The following GRK5 variants were observed in gnomAD, a reference collection of about 807,000 sequenced individuals.
The protein encoded by GRK5 is g protein-coupled receptor kinase GRK5.
A neutral mutation model predicts 78.4 loss-of-function variants in GRK5; 40 were observed. The ratio of observed to expected loss-of-function variants is 0.51; its 90% CI spans 0.40 to 0.66. The LOEUF is 0.66. Among genes scored for constraint, GRK5 ranks in the 30% least tolerant of loss-of-function variants. The pLI, the probability that GRK5 is intolerant of heterozygous loss-of-function variation, is 0.00. For missense variants in GRK5, 598 were observed against 759.9 expected (o/e 0.79, Z 2.50); for synonymous variants, 289 against 296.8 (o/e 0.97, Z 0.27).
At chr10:119,367,783 A>C (rs1182479885) in intron 2 of GRK5, among the ~76,000 whole-genome samples, 1 of 152,070 alleles carries the variant, frequency 6.6e-6, no homozygotes. Flanking sequence ...CTTGATGGGG[A>C]TCATGTTGGG....
chr10:119,391,651 G>A (rs61876090), intron 3 of GRK5, among the ~76,000 whole-genome samples: 1,731 of 152,272 alleles, frequency 0.011, 18 homozygotes, highest in South Asian at 0.016. Context: ...CGGGGACGGA[G>A]CCAGCAGAAA....
chr10:119,276,340 A>G (rs937492834), intron 1 of GRK5, among the ~76,000 whole-genome samples: 2 of 151,828 alleles, frequency 1.3e-5, no homozygotes, highest in Non-Finnish European at 2.9e-5. Flanking sequence ...TATGAATGAG[A>G]ACACGTGGTG....
intron 2 of GRK5, among the ~76,000 whole-genome samples, chr10:119,365,587 G>T (rs531558320): frequency 6.6e-6 from 1 of 152,320 alleles, no homozygotes; most frequent in East Asian, 1.9e-4. Flanking sequence ...TCCCCACGCT[G>T]TTCATAATGA....
At chr10:119,328,542 T>C (rs1286120660) in intron 2 of GRK5, among the ~76,000 whole-genome samples, 1 of 152,194 alleles carries the variant, frequency 6.6e-6, no homozygotes, top group East Asian at 1.9e-4. Context: ...CTGGGTCTGC[T>C]GGCTGCCAGA....
chr10:119,450,516 G>A lies in GRK5; in HGVS notation c.1405-2155G>A, dbSNP rs575495222. 3.9e-5 allele frequency among the ~76,000 whole-genome samples: 6 copies of A among 152,346 alleles called. No homozygotes were observed. The Middle Eastern group carries it at 0.01, about 259-fold the overall frequency. On this transcript the variant is annotated intron_variant, in intron 13 of 15. Coordinates refer to ENST00000392870, the MANE Select transcript of GRK5 (RefSeq NM_005308.3). ...TGGGAGAGTAGCGGGGCCTCCGTGC[G>A]TGCACCCAGGCATGGCTGGAGAAAA...
At chr10:119,284,339 C>CT (rs1056093203) in intron 1 of GRK5, among the ~76,000 whole-genome samples, 8 of 151,952 alleles carry the variant, frequency 5.3e-5, no homozygotes, top group African/African-American at 1.9e-4. Flanking sequence ...AAATCCTTTT[C>CT]TTTTTTGTAG....
At chr10:119,451,144 C>T (rs1269629523) in intron 13 of GRK5, among the ~76,000 whole-genome samples, 1 of 145,314 alleles carries the variant, frequency 6.9e-6, no homozygotes, top group African/African-American at 2.7e-5. Flanking sequence ...CATGCCAGCC[C>T]CCCACAGTCA....
chr10:119,357,999 C>G (rs1423448851), intron 2 of GRK5, among the ~76,000 whole-genome samples: 2 of 152,200 alleles, frequency 1.3e-5, no homozygotes, highest in African/African-American at 4.8e-5. Flanking sequence ...ATCAATCACA[C>G]CCAAAGGGGA....
At chr10:119,399,125 A>G (rs1340089136) in intron 4 of GRK5, among the ~76,000 whole-genome samples, 1 of 152,232 alleles carries the variant, frequency 6.6e-6, no homozygotes, top group Admixed American at 6.5e-5. Context: ...CCATCAGCTC[A>G]GACGGTTTTA....
At chr10:119,436,950 C>G (rs1206670872) in intron 9 of GRK5, 109 bp downstream of exon 9, 1 of 1,008,614 alleles carries the variant, frequency 9.9e-7, no homozygotes, top group Non-Finnish European at 1.4e-6. Context: ...CAGCCCTGGT[C>G]AGCACCAGGG....
chr10:119,413,930 C>A (rs1852394003), intron 4 of GRK5, among the ~76,000 whole-genome samples: 1 of 152,192 alleles, frequency 6.6e-6, no homozygotes, highest in African/African-American at 2.4e-5. Context: ...GTAGCTGACG[C>A]AGATCCCCTC....
intron 2 of GRK5, among the ~76,000 whole-genome samples, chr10:119,369,093 T>G (rs1055590071): frequency 6.6e-6 from 1 of 152,180 alleles, no homozygotes; most frequent in Non-Finnish European, 1.5e-5. Context: ...AATGGTGAAC[T>G]GGACCTTACA....
At chr10:119,254,988 G>C (rs1017582195) in intron 1 of GRK5, among the ~76,000 whole-genome samples, 1 of 144,372 alleles carries the variant, frequency 6.9e-6, no homozygotes, top group South Asian at 2.2e-4. Flanking sequence ...CCAGGAAGCC[G>C]AGATTGCGCC....
At chr10:119,314,985 C>G (rs559181982) in intron 1 of GRK5, among the ~76,000 whole-genome samples, 22 of 152,332 alleles carry the variant, frequency 1.4e-4, no homozygotes, top group African/African-American at 4.8e-4. Context: ...GTATCTGCCC[C>G]ACTCCATCCC....
intron 1 of GRK5, among the ~76,000 whole-genome samples, chr10:119,214,321 AT>A (rs936590020): frequency 6.6e-6 from 1 of 151,954 alleles, no homozygotes; most frequent in African/African-American, 2.4e-5. Context: ...ACAGAACTGG[AT>A]TTTTTTCCCC....
intron 1 of GRK5, among the ~76,000 whole-genome samples, chr10:119,304,284 CTTTTTTTT>C (rs59740732): frequency 3.5e-4 from 26 of 75,052 alleles, no homozygotes; most frequent in Admixed American, 6.8e-4. Context: ...GTGTGAGCTG[CTTTTTTTT>C]TTTTTTTTTT....
chr10:119,323,940 A>G (rs1045141344), intron 1 of GRK5, among the ~76,000 whole-genome samples: 3 of 151,902 alleles, frequency 2.0e-5, no homozygotes, highest in Non-Finnish European at 4.4e-5. Context: ...TAATTTTTCA[A>G]TGTTGGCAAC....
Position 119,418,259 on chromosome 10 carries a change from C to T in GRK5, c.340-4907C>T, listed in dbSNP as rs192059041. Among the ~76,000 whole-genome samples, 31 of 152,308 alleles carry T rather than the reference C, an allele frequency of 2.0e-4. No individual in the cohort carries two copies. In the East Asian group the frequency reaches 5.4e-3, roughly 27 times the overall value. On this transcript the variant is annotated intron_variant, in intron 4 of 15. Coordinates refer to ENST00000392870, the MANE Select transcript of GRK5 (RefSeq NM_005308.3). ...CAGAAGAACCAGCTCACAGAGCAGG[C>T]AGAGTGCCCCCAGCTTCAAGGTTAC...
At chr10:119,346,752 C>G (rs1477668730) in intron 2 of GRK5, among the ~76,000 whole-genome samples, 1 of 152,170 alleles carries the variant, frequency 6.6e-6, no homozygotes, top group Non-Finnish European at 1.5e-5. Flanking sequence ...TCCCTGCTCA[C>G]CGGGTCCCCC....
Sources: gnomAD v4.1 joint callset for allele counts (sites outside exome capture counted in the v4.1 genomes callset) on GRCh38, gnomAD v4.1.1 for gene constraint, MANE v1.5 for transcripts, NCBI Gene and HGNC (gene_info 2026-07-23, HGNC 2026-07-21) for gene names.